Variants in MRPL36 observed in about 807,000 individuals in gnomAD.
MRPL36 encodes mitochondrial ribosomal protein L36.
MRPL36 carries 1 observed loss-of-function variant against 2.8 expected under a neutral mutation model. That is an observed-to-expected ratio of 0.36 (90% confidence interval 0.13 to 1.69). The LOEUF is 1.69. Ranked by LOEUF, MRPL36 falls within the 40% of genes most tolerant of loss-of-function variation. The pLI, the probability that MRPL36 is intolerant of heterozygous loss-of-function variation, is 0.35. For missense variants in MRPL36, 148 were observed against 132.7 expected (o/e 1.12, Z -0.57); for synonymous variants, 68 against 54.8 (o/e 1.24, Z -1.06).
chr5:1,799,199 C>G, intron 1 of MRPL36: 1 of 412,518 alleles, frequency 2.4e-6, no homozygotes. Context: ...GGTGAGTGTG[C>G]AAAGCCCTGC....
chr5:1,798,450 G>A lies in MRPL36; in HGVS notation c.*174C>T, dbSNP rs1016656989. 20 of 596,112 alleles carry A rather than the reference G, an allele frequency of 3.4e-5. No individual in the cohort carries two copies. The Middle Eastern group carries it at 1.1e-3, about 33-fold the overall frequency. The allele number at this position is 596,112 out of a possible 1,614,324, so 36.9% of individuals were successfully genotyped here. The stretch of plus-strand genomic sequence containing the variant: ...TGGAACGTTTTGGAAATAAGATAAC[G>A]CAATGTCTTCTATAGTTACTCATTT... On this transcript the variant is annotated 3_prime_UTR_variant, in exon 2 of 2. Coordinates refer to ENST00000505059, the MANE Select transcript of MRPL36 (RefSeq NM_032479.4).
At chr5:1,799,152 G>A (rs1015714871) in intron 1 of MRPL36, 2 of 505,380 alleles carry the variant, frequency 4.0e-6, no homozygotes, top group South Asian at 3.1e-5. Context: ...GGCAGTGGAC[G>A]GTGGCTTCCT....
At chr5:1,801,266 T>C, upstream of MRPL36, 1 of 1,181,020 alleles carries the variant, frequency 8.5e-7, no homozygotes, top group Non-Finnish European at 1.2e-6. Context: ...ACCACCTGAA[T>C]CAGAGAGCAG....
intron 1 of MRPL36, 68 bp from the exon 2 acceptor site, chr5:1,799,015 T>C: frequency 3.1e-6 from 4 of 1,295,836 alleles, no homozygotes; most frequent in Non-Finnish European, 4.3e-6. Flanking sequence ...AAGGCTTCCT[T>C]TTCTCTGTTT....
At chr5:1,799,867 G>C (rs1384751012), upstream of MRPL36, 1 of 122,308 alleles carries the variant, frequency 8.2e-6, no homozygotes. Flanking sequence ...CAGGAAGGAA[G>C]ATGGCGGCGG....
chr5:1,799,749 C>G (rs1158978511), intron 1 of MRPL36, 43 bp downstream of exon 1: 1 of 150,214 alleles, frequency 6.7e-6, no homozygotes, highest in East Asian at 2.0e-4. Context: ...CCCCCACTCT[C>G]AAGACACCCG....
chr5:1,800,633 A>G (rs539745700), upstream of MRPL36, among the ~76,000 whole-genome samples: 14 of 152,096 alleles, frequency 9.2e-5, no homozygotes, highest in East Asian at 1.4e-3. Flanking sequence ...CTTCCCCGCC[A>G]CTCATCCATC....
At chr5:1,799,627 CCA>C in intron 1 of MRPL36, 163 bp downstream of exon 1, 1 of 107,880 alleles carries the variant, frequency 9.3e-6, no homozygotes, top group African/African-American at 2.5e-5. Flanking sequence ...CCCGCACCCC[CCA>C]ACCCTGGCCC....
chr5:1,799,287 A>T (rs919812024), intron 1 of MRPL36: 1 of 188,374 alleles, frequency 5.3e-6, no homozygotes, highest in East Asian at 1.4e-4. Flanking sequence ...ACACCAGGTC[A>T]AGGACGGTTC....
rs376804257 is a variant in MRPL36, at chr5:1,798,590, G to A, written c.*34C>T. The A allele has an allele frequency of 6.4e-7, 1 of 1,566,420 alleles. No homozygotes were observed. Among genetic ancestry groups the A allele is most frequent in the Non-Finnish European group, 8.7e-7 (1 of 1,145,416 alleles). On this transcript the variant is annotated 3_prime_UTR_variant, in exon 2 of 2. Coordinates refer to ENST00000505059, the MANE Select transcript of MRPL36 (RefSeq NM_032479.4). ...CAACCATTCTCCCAAGTGATGCGATGACGAGTATGTGCGTGACTCTGGAGG... is the reference window on the plus strand; with the variant it reads ...CAACCATTCTCCCAAGTGATGCGATAACGAGTATGTGCGTGACTCTGGAGG...
Position 1,798,592 on chromosome 5 carries a change from C to G in MRPL36, c.*32G>C. ...ACCATTCTCCCAAGTGATGCGATGA[C>G]GAGTATGTGCGTGACTCTGGAGGGA... On this transcript the variant is annotated 3_prime_UTR_variant, in exon 2 of 2. Transcript: ENST00000505059. The G allele has an allele frequency of 1.3e-6, 2 of 1,568,956 alleles. No homozygotes were observed. Among genetic ancestry groups the G allele is most frequent in the Non-Finnish European group, 1.7e-6 (2 of 1,147,296 alleles).
chr5:1,800,801 G>C (rs1242704665), upstream of MRPL36, among the ~76,000 whole-genome samples: 1 of 152,200 alleles, frequency 6.6e-6, no homozygotes, highest in Non-Finnish European at 1.5e-5. Context: ...AAATCAGTCG[G>C]TGTACTAGGC....
upstream of MRPL36, chr5:1,801,385 A>T (rs757672883): frequency 1.9e-6 from 3 of 1,601,838 alleles, no homozygotes; most frequent in Non-Finnish European, 2.5e-6. Flanking sequence ...GCTAAGCGGG[A>T]CGTTGCGCCG....
upstream of MRPL36, among the ~76,000 whole-genome samples, chr5:1,800,506 G>C (rs929010108): frequency 2.6e-5 from 4 of 152,196 alleles, no homozygotes; most frequent in African/African-American, 7.2e-5. Flanking sequence ...CGGGCCGCTG[G>C]AGTTTATCAG....
At chr5:1,800,395 G>A (rs979678654), upstream of MRPL36, among the ~76,000 whole-genome samples, 3 of 152,102 alleles carry the variant, frequency 2.0e-5, no homozygotes, top group African/African-American at 4.8e-5. Context: ...GTGTGTGTCC[G>A]GGTGAGTTGC....
upstream of MRPL36, among the ~76,000 whole-genome samples, chr5:1,800,920 C>T (rs1206236744): frequency 1.3e-5 from 2 of 152,252 alleles, no homozygotes; most frequent in Admixed American, 6.5e-5. Flanking sequence ...GTCTGCTAAG[C>T]AGTTGACTCC....
chr5:1,799,153 G>C, intron 1 of MRPL36: 1 of 503,928 alleles, frequency 2.0e-6, no homozygotes, highest in Non-Finnish European at 3.5e-6. Flanking sequence ...GCAGTGGACG[G>C]TGGCTTCCTT....
At position 1,798,391 on chromosome 5, in the gene MRPL36, G is replaced by C. The variant is rs569167334; in HGVS notation, c.*233C>G. ...GAGAATGAATGAACTAAGCTATTCG[G>C]AAGGTCTATTTTAATAGGAAAATGT... On this transcript the variant is annotated 3_prime_UTR_variant, in exon 2 of 2. Transcript: ENST00000505059. 2.9e-4 allele frequency: 129 copies of C among 450,830 alleles called. 1 individual carries two copies. Among genetic ancestry groups the C allele is most frequent in the Admixed American group, 5.9e-4 (16 of 27,220 alleles). 27.9% of individuals were successfully genotyped at this position (450,830 alleles called of 1,614,324 possible).
chr5:1,799,928 A>AGCGAC (rs1554017928), upstream of MRPL36: 1 of 151,520 alleles, frequency 6.6e-6, no homozygotes, highest in African/African-American at 2.4e-5. Flanking sequence ...GCAGAGACGC[A>AGCGAC]GCAGCGAGTG....
Sources: gnomAD v4.1 joint callset for allele counts (sites outside exome capture counted in the v4.1 genomes callset) on GRCh38, gnomAD v4.1.1 for gene constraint, MANE v1.5 for transcripts, NCBI Gene and HGNC (gene_info 2026-07-23, HGNC 2026-07-21) for gene names.